The following NLK variants were observed in gnomAD, a reference collection of about 807,000 sequenced individuals.
The protein encoded by NLK is serine/threonine-protein kinase NLK.
Under a neutral mutation model 59.0 loss-of-function variants are expected in NLK, and 11 were observed. The ratio of observed to expected loss-of-function variants is 0.19; its 90% CI spans 0.12 to 0.31. NLK has a LOEUF of 0.31. NLK is among the 10% of genes least tolerant of loss of function. NLK has a pLI of 1.00. For missense variants in NLK, 410 were observed against 661.1 expected, an observed-to-expected ratio of 0.62 and a Z score of 4.16; for synonymous variants, 235 against 235.9, an observed-to-expected ratio of 1.00 and a Z score of 0.03.
chr17:28,173,699 G>A (rs956980163), intron 7 of NLK, among the ~76,000 whole-genome samples: 11 of 152,204 alleles, frequency 7.2e-5, no homozygotes, highest in Non-Finnish European at 1.5e-4. Context: ...GAAGAGCACA[G>A]TAAGTCTTAA....
chr17:28,187,836 AG>A (rs1372790583), intron 8 of NLK, among the ~76,000 whole-genome samples: 1 of 152,182 alleles, frequency 6.6e-6, no homozygotes, highest in African/African-American at 2.4e-5. Context: ...CTAAGGAGAA[AG>A]ATTTATCTGG....
In NLK at chr17:28,122,688, G is replaced by A; in HGVS notation, c.544G>A (p.Val182Ile). The change falls in exon 2 of 11, where the codon GTC (valine) becomes ATC (isoleucine). Residue 182 changes from valine to isoleucine, a missense_variant. Transcript: ENST00000407008. The part of the protein sequence containing the change: ...VFQNLVSCKR[V>I]FRELKMLCFF... Reference sequence around the variant, plus strand: ...CCAGAATCTGGTCTCTTGCAAAAGGGTCTTCCGGGAATTGAAGATGTTGTG... The same window carrying A: ...CCAGAATCTGGTCTCTTGCAAAAGGATCTTCCGGGAATTGAAGATGTTGTG... The A allele has an allele frequency of 6.2e-7, 1 of 1,613,826 alleles. No homozygotes were observed. Among genetic ancestry groups the A allele is most frequent in the Non-Finnish European group, 8.5e-7 (1 of 1,179,806 alleles).
At chr17:28,069,052 A>T (rs184225328) in intron 1 of NLK, among the ~76,000 whole-genome samples, 14 of 152,322 alleles carry the variant, frequency 9.2e-5, no homozygotes, top group African/African-American at 3.4e-4. Context: ...CAGAAAGTTC[A>T]CTCAAGTAAA....
At chr17:28,154,485 G>T (rs1386460508) in intron 3 of NLK, among the ~76,000 whole-genome samples, 3 of 152,054 alleles carry the variant, frequency 2.0e-5, no homozygotes, top group Non-Finnish European at 2.9e-5. Context: ...ATACCTTAAA[G>T]CTCTAAGCAC....
At chr17:28,073,664 G>A (rs1316363847) in intron 1 of NLK, among the ~76,000 whole-genome samples, 1 of 152,094 alleles carries the variant, frequency 6.6e-6, no homozygotes, top group Non-Finnish European at 1.5e-5. Context: ...TCCCAGTTTA[G>A]AATGTCTTTT....
Position 28,042,890 on chromosome 17 carries a change from C to T in NLK, c.17C>T (p.Ala6Val). MSLCGARANAKMMAAY... is the reference protein window; with the variant it reads MSLCGVRANAKMMAAY... The stretch of plus-strand genomic sequence containing the variant: ...TTATTTTGAATGTCTCTTTGTGGCG[C>T]AAGAGCCAACGCAAAAATGATGGCG... Residue 6 changes from alanine (A) to valine (V), a missense_variant, in exon 1 of 11, where the codon GCA becomes GTA. By Grantham distance (64) the Ala-to-Val change is moderately conservative. Transcript: ENST00000407008. 4 of 1,516,248 alleles carry T rather than the reference C, an allele frequency of 2.6e-6. No individual in the cohort carries two copies. The highest frequency in any genetic ancestry group is 3.6e-6 in the Non-Finnish European group (4 of 1,125,272). The allele number at this position is 1,516,248 out of a possible 1,614,324, so 93.9% of individuals were successfully genotyped here.
intron 7 of NLK, among the ~76,000 whole-genome samples, chr17:28,184,637 G>A (rs912325638): frequency 6.6e-6 from 1 of 152,136 alleles, no homozygotes; most frequent in African/African-American, 2.4e-5. Flanking sequence ...CCCCTACAGT[G>A]GGTAATCATG....
chr17:28,085,403 A>G (rs1294612811), intron 1 of NLK, among the ~76,000 whole-genome samples: 3 of 152,214 alleles, frequency 2.0e-5, no homozygotes, highest in African/African-American at 7.2e-5. Context: ...ATGATGTTTC[A>G]GTCAATGACG....
the NLK span, among the ~76,000 whole-genome samples, chr17:28,203,164 T>TACACACACAC: frequency 0.01 from 1,380 of 136,990 alleles, 21 homozygotes; most frequent in African/African-American, 0.017. Flanking sequence ...TATACATACA[T>TACACACACAC]ACACACACAC....
At chr17:28,100,545 C>T (rs1162107984) in intron 1 of NLK, among the ~76,000 whole-genome samples, 2 of 152,290 alleles carry the variant, frequency 1.3e-5, no homozygotes, top group Non-Finnish European at 1.5e-5. Context: ...GCTTATTAGC[C>T]ATCTGCATAA....
downstream of NLK, among the ~76,000 whole-genome samples, chr17:28,199,665 C>CAAAAAAAAAAAAAAAAAACAA (rs1909573605): frequency 3.0e-5 from 1 of 33,576 alleles, no homozygotes; most frequent in African/African-American, 1.1e-4. Context: ...GACTCTGTCT[C>CAAAAAAAAAAAAAAAAAACAA]AAAAAAAAAA....
chr17:28,053,667 C>T (rs1909339611), intron 1 of NLK, among the ~76,000 whole-genome samples: 1 of 152,018 alleles, frequency 6.6e-6, no homozygotes. Context: ...CTCTGAGCTA[C>T]AGAAAAAAGG....
At chr17:28,046,446 G>C (rs1281891161) in intron 1 of NLK, among the ~76,000 whole-genome samples, 1 of 152,160 alleles carries the variant, frequency 6.6e-6, no homozygotes, top group East Asian at 1.9e-4. Context: ...TGTTGCCACT[G>C]ATAGAATGTT....
intron 7 of NLK, among the ~76,000 whole-genome samples, chr17:28,181,529 A>G (rs1908904184): frequency 6.6e-6 from 1 of 151,470 alleles, no homozygotes; most frequent in African/African-American, 2.4e-5. Flanking sequence ...TGATCGTGCC[A>G]CTACACTTCA....
intron 1 of NLK, among the ~76,000 whole-genome samples, chr17:28,085,154 G>C (rs1464969517): frequency 6.6e-6 from 1 of 152,070 alleles, no homozygotes; most frequent in Non-Finnish European, 1.5e-5. Flanking sequence ...CCCAAGATTT[G>C]TGATTCATCA....
intron 3 of NLK, among the ~76,000 whole-genome samples, chr17:28,135,058 A>G (rs1906683315): frequency 6.6e-6 from 1 of 152,102 alleles, no homozygotes; most frequent in African/African-American, 2.4e-5. Context: ...GCCAGGAGCT[A>G]CCCCTCTTTA....
intron 1 of NLK, among the ~76,000 whole-genome samples, chr17:28,051,609 G>A (rs1414229881): frequency 4.6e-5 from 7 of 151,150 alleles, no homozygotes; most frequent in Admixed American, 2.0e-4. Context: ...GGCCTGCCTC[G>A]GCCTCCCAAA....
chr17:28,061,558 TGA>T (rs1254381333), intron 1 of NLK, among the ~76,000 whole-genome samples: 1 of 152,078 alleles, frequency 6.6e-6, no homozygotes, highest in Non-Finnish European at 1.5e-5. Context: ...AAGTGGCTAA[TGA>T]GAGTCTGTTA....
intron 1 of NLK, among the ~76,000 whole-genome samples, chr17:28,097,799 T>C (rs1047052677): frequency 4.6e-5 from 7 of 152,182 alleles, no homozygotes; most frequent in African/African-American, 1.7e-4. Flanking sequence ...ATTGAGGATA[T>C]ATCACTTTTC....
Sources: gnomAD v4.1 joint callset for allele counts (sites outside exome capture counted in the v4.1 genomes callset) on GRCh38, gnomAD v4.1.1 for gene constraint, MANE v1.5 for transcripts, NCBI Gene and HGNC (gene_info 2026-07-23, HGNC 2026-07-21) for gene names.